The following BRAF variants were observed in gnomAD, a reference collection of about 807,000 sequenced individuals.
BRAF encodes the protein serine/threonine-protein kinase B-raf.
In BRAF, 16 loss-of-function variants were observed where a neutral mutation model predicts 104.6. That is an observed-to-expected ratio of 0.15 (90% CI 0.10 to 0.23). The LOEUF is 0.23. BRAF is among the 10% of genes least tolerant of loss of function. The pLI is 1.00. For synonymous variants in BRAF, 310 were observed against 341.6 expected, an observed-to-expected ratio of 0.91 and a Z score of 1.02; for missense variants, 541 against 937.3, an observed-to-expected ratio of 0.58 and a Z score of 5.52.
At chr7:140,826,710 G>A (rs577378079) in intron 3 of BRAF, among the ~76,000 whole-genome samples, 11 of 152,232 alleles carry the variant, frequency 7.2e-5, no homozygotes, top group African/African-American at 2.6e-4. Flanking sequence ...GTGGGTTTGC[G>A]GGGGAAGTTG....
At chr7:140,884,827 T>G (rs1813373242) in intron 1 of BRAF, among the ~76,000 whole-genome samples, 1 of 151,776 alleles carries the variant, frequency 6.6e-6, no homozygotes, top group Non-Finnish European at 1.5e-5. Flanking sequence ...ATTTACCACA[T>G]TAAAAATTAT....
chr7:140,723,967 AT>A lies in BRAF; in HGVS notation c.*2526del, dbSNP rs1795454066. 3 of 1,041,164 alleles carry A rather than the reference AT, an allele frequency of 2.9e-6. No homozygotes were observed. The African/African-American group carries it at 5.0e-5, about 17-fold the overall frequency. 64.5% of individuals were successfully genotyped at this position (1,041,164 alleles called of 1,614,324 possible). A position where few individuals can be genotyped will look rare whatever the true frequency, so the allele number is the denominator to read the frequency against. ...CATTTGTAAACTAGAGAAAAAACCTATTTCATAGAAAAAGGAAGAAAAGAGA... is the reference window on the plus strand; with the variant it reads ...CATTTGTAAACTAGAGAAAAAACCTATTCATAGAAAAAGGAAGAAAAGAGA... On this transcript the variant is annotated 3_prime_UTR_variant, in exon 20 of 20. Transcript: ENST00000644969.
intron 14 of BRAF, among the ~76,000 whole-genome samples, chr7:140,766,915 A>G (rs1017068944): frequency 1.6e-4 from 24 of 152,096 alleles, no homozygotes; most frequent in Admixed American, 1.6e-3. Flanking sequence ...CTGGTCTCCA[A>G]CTCCTGAGCT....
Position 140,924,574 on chromosome 7 carries a change from G to A in BRAF, c.130C>T (p.Pro44Ser). ...GTGGCGCCAGCACTCACCTCCTCCGGAATGGCAGGGTCCGCAGCCGAAGAG... is the reference window on the plus strand; with the variant it reads ...GTGGCGCCAGCACTCACCTCCTCCGAAATGGCAGGGTCCGCAGCCGAAGAG... ...AASSAADPAI[P>S]EEVWNIKQMI... Residue 44 changes from proline (P) to serine (S), a missense_variant, in exon 1 of 20, where the codon CCG becomes TCG. Around this residue, in one of 10 missense-constraint regions of BRAF, gnomAD observed 82 missense variants for 65.9 expected, o/e 1.24. Coordinates refer to ENST00000644969, the MANE Select transcript of BRAF (RefSeq NM_001374258.1). This position sits in a 1 kb window ranked among gnomAD's most constrained non-coding sequence, Gnocchi z 4.2. 6.5e-7 allele frequency: 1 copy of A among 1,529,746 alleles called. No homozygotes were observed. The highest frequency in any genetic ancestry group is 2.1e-4 in the Middle Eastern group (1 of 4,742). 94.8% of individuals were successfully genotyped at this position (1,529,746 alleles called of 1,614,324 possible). A position where few individuals can be genotyped will look rare whatever the true frequency, so the allele number is the denominator to read the frequency against.
intron 1 of BRAF, among the ~76,000 whole-genome samples, chr7:140,899,648 T>G (rs1436768628): frequency 1.3e-5 from 2 of 152,234 alleles, no homozygotes; most frequent in Admixed American, 1.3e-4. Context: ...TTTTTTTAAT[T>G]CAAATGCCTG....
At chr7:140,896,390 C>T (rs1171062582) in intron 1 of BRAF, among the ~76,000 whole-genome samples, 6 of 151,994 alleles carry the variant, frequency 3.9e-5, no homozygotes. Context: ...CCTCCACATC[C>T]AAAAGGATGA....
At chr7:140,826,404 C>T (rs144571264) in intron 3 of BRAF, among the ~76,000 whole-genome samples, 2 of 152,268 alleles carry the variant, frequency 1.3e-5, no homozygotes, top group East Asian at 1.9e-4. Flanking sequence ...ACAAATGGTA[C>T]AATTAACATC....
intron 18 of BRAF, among the ~76,000 whole-genome samples, chr7:140,738,078 T>G (rs762568924): frequency 6.6e-6 from 1 of 152,186 alleles, no homozygotes; most frequent in Non-Finnish European, 1.5e-5. Flanking sequence ...CAGCAGCACT[T>G]GTCTCTCACC....
In BRAF at chr7:140,847,596, AAGAC is replaced by A. The variant is rs1277083911; in HGVS notation, c.240+2511_240+2514del. On this transcript the variant is annotated intron_variant, in intron 2 of 19. Transcript: ENST00000644969. ...ATTCCATCTCAGGAGGAAAAAAAAA[AAGAC>A]AGACAATTGCTATTCCCCAAGGCCT... Among the ~76,000 whole-genome samples, 196 of 152,244 alleles carry A rather than the reference AAGAC, an allele frequency of 1.3e-3. 1 individual carries two copies. Among genetic ancestry groups the A allele is most frequent in the African/African-American group, 4.4e-3 (182 of 41,536 alleles).
intron 1 of BRAF, among the ~76,000 whole-genome samples, chr7:140,880,980 A>G (rs1812837698): frequency 6.6e-6 from 1 of 152,148 alleles, no homozygotes. Context: ...GCACACACAC[A>G]TAGAAAACAG....
At chr7:140,774,354 A>C (rs1800127201) in intron 14 of BRAF, among the ~76,000 whole-genome samples, 1 of 152,232 alleles carries the variant, frequency 6.6e-6, no homozygotes, top group Non-Finnish European at 1.5e-5. Context: ...TGATAATCCC[A>C]AACTGTAAAG....
chr7:140,858,058 TATAAA>T (rs1217065735), intron 1 of BRAF, among the ~76,000 whole-genome samples: 3 of 152,214 alleles, frequency 2.0e-5, no homozygotes, highest in Admixed American at 2.0e-4. Context: ...TGCCAGCTAA[TATAAA>T]ATAATTGGTT....
chr7:140,745,505 A>C (rs1797277322), intron 17 of BRAF, among the ~76,000 whole-genome samples: 1 of 152,230 alleles, frequency 6.6e-6, no homozygotes, highest in Non-Finnish European at 1.5e-5. Flanking sequence ...GATGTTATTC[A>C]TGGACAGAAG....
chr7:140,822,457 G>A (rs912114236), intron 3 of BRAF: 1 of 152,180 alleles, frequency 6.6e-6, no homozygotes, highest in African/African-American at 2.4e-5. Context: ...ATAGTCCTGT[G>A]CCCAGGCAAA....
chr7:140,721,760 A>AC lies in BRAF; in HGVS notation c.*4733dup. On this transcript the variant is annotated 3_prime_UTR_variant, in exon 20 of 20. Transcript: ENST00000644969. The stretch of plus-strand genomic sequence containing the variant: ...TCAATGGTGAGGAATGAAACAAGAT[A>AC]CAAGAACCACAGCATGGAATATGTT... 1 of 1,490,476 alleles carries AC rather than the reference A, an allele frequency of 6.7e-7. No homozygotes were observed. The highest frequency in any genetic ancestry group is 8.9e-7 in the Non-Finnish European group (1 of 1,125,116). The allele number at this position is 1,490,476 out of a possible 1,614,324, so 92.3% of individuals were successfully genotyped here.
intron 1 of BRAF, among the ~76,000 whole-genome samples, chr7:140,922,015 ATTTAT>A (rs1471673100): frequency 6.6e-6 from 1 of 152,174 alleles, no homozygotes. Context: ...TCTTGGAGGA[ATTTAT>A]TTTATCATCT....
chr7:140,833,097 C>T (rs979683182), intron 3 of BRAF, among the ~76,000 whole-genome samples: 5 of 152,146 alleles, frequency 3.3e-5, no homozygotes, highest in South Asian at 2.1e-4. Flanking sequence ...AGGACTGTCT[C>T]GATCTCCTGA....
chr7:140,803,659 T>G (rs891352846), intron 5 of BRAF, among the ~76,000 whole-genome samples: 1 of 152,166 alleles, frequency 6.6e-6, no homozygotes, highest in African/African-American at 2.4e-5. Context: ...TAGGTGAAAC[T>G]TAGAAGGCAA....
chr7:140,813,765 T>C (rs1804528540), intron 3 of BRAF, among the ~76,000 whole-genome samples: 1 of 152,094 alleles, frequency 6.6e-6, no homozygotes, highest in Non-Finnish European at 1.5e-5. Context: ...ATATATACAG[T>C]ATTATGTATC....
Sources: gnomAD v4.1 joint callset for allele counts (sites outside exome capture counted in the v4.1 genomes callset) on GRCh38, gnomAD v4.1.1 for gene constraint, gnomAD v4.1.1 regional missense constraint, Gnocchi (gnomAD v3.1) non-coding constraint, MANE v1.5 for transcripts, NCBI Gene and HGNC (gene_info 2026-07-23, HGNC 2026-07-21) for gene names.